ITGA8: variants seen among roughly 807,000 people sequenced by gnomAD.
ITGA8 encodes integrin alpha-8.
A neutral mutation model predicts 142.3 loss-of-function variants in ITGA8; 91 were observed. The observed-to-expected ratio is 0.64, with a 90% CI of 0.54 to 0.76. The LOEUF is 0.76. Among genes scored for constraint, ITGA8 ranks in the 30% least tolerant of loss-of-function variants. The probability of loss-of-function intolerance (pLI) is 0.00; values close to 1 mark genes in which losing one functional copy is unlikely to be tolerated. For synonymous variants in ITGA8, 505 were observed against 485.2 expected, an observed-to-expected ratio of 1.04 and a Z score of -0.54; for missense variants, 1,406 against 1,327.7, an observed-to-expected ratio of 1.06 and a Z score of -0.92.
At position 15,646,890 on chromosome 10, in the gene ITGA8, C is replaced by T; in HGVS notation, c.1163G>A (p.Ser388Asn). 1 of 1,614,050 alleles carries T rather than the reference C, an allele frequency of 6.2e-7. No homozygotes were observed. Among genetic ancestry groups the T allele is most frequent in the South Asian group, 1.1e-5 (1 of 91,064 alleles). ...TGTETFGRFG[S>N]AMAHLGDLNQ... Reference sequence around the variant, plus strand: ...CAGGTCTCCTAAGTGTGCCATAGCACTACCGAATCTCCCAAACGTCTCGGT... The same window carrying T: ...CAGGTCTCCTAAGTGTGCCATAGCATTACCGAATCTCCCAAACGTCTCGGT... The change falls in exon 12 of 30, where the codon AGT becomes AAT. Residue 388 changes from serine to asparagine, a missense_variant. Physicochemically the swap from Ser to Asn is conservative, Grantham distance 46. Coordinates refer to ENST00000378076, the MANE Select transcript of ITGA8 (RefSeq NM_003638.3).
In ITGA8 at chr10:15,655,211, T is replaced by C. The variant is rs1462832586; in HGVS notation, c.1001+143A>G. On this transcript the variant is annotated intron_variant, in intron 11 of 29. Coordinates refer to ENST00000378076, the MANE Select transcript of ITGA8 (RefSeq NM_003638.3). ...AGAATTATTTAATAGATGCATCTTCTTGTCTTGAACCAAAAAAGTTGAGAA... is the reference window on the plus strand; with the variant it reads ...AGAATTATTTAATAGATGCATCTTCCTGTCTTGAACCAAAAAAGTTGAGAA... 9.7e-6 allele frequency: 5 copies of C among 517,996 alleles called. No individual in the cohort carries two copies. The East Asian group carries it at 1.7e-4, about 17-fold the overall frequency. The allele number at this position is 517,996 out of a possible 1,614,324, so 32.1% of individuals were successfully genotyped here. A position where few individuals can be genotyped will look rare whatever the true frequency, so the allele number is the denominator to read the frequency against.
At chr10:15,651,583 T>A (rs1223993441) in intron 11 of ITGA8, among the ~76,000 whole-genome samples, 2 of 152,088 alleles carry the variant, frequency 1.3e-5, no homozygotes, top group Non-Finnish European at 2.9e-5. Flanking sequence ...GGGACCTTGT[T>A]TTTGTTGCCT....
intron 21 of ITGA8, among the ~76,000 whole-genome samples, chr10:15,596,263 A>G (rs1197655766): frequency 6.6e-6 from 1 of 152,146 alleles, no homozygotes; most frequent in Non-Finnish European, 1.5e-5. Context: ...GACGGGATAG[A>G]ACATGGGCTT....
intron 2 of ITGA8, among the ~76,000 whole-genome samples, chr10:15,699,463 A>G (rs1413821423): frequency 6.6e-6 from 1 of 152,232 alleles, no homozygotes; most frequent in East Asian, 1.9e-4. Context: ...AGAAAAACAG[A>G]TGATAGATAG....
chr10:15,705,424 C>T (rs988837683), intron 2 of ITGA8, among the ~76,000 whole-genome samples: 4 of 152,184 alleles, frequency 2.6e-5, no homozygotes, highest in African/African-American at 9.7e-5. Context: ...CCTGACTCTG[C>T]CTGCCCTCCT....
intron 2 of ITGA8, among the ~76,000 whole-genome samples, chr10:15,701,690 C>T (rs1835168090): frequency 6.6e-6 from 1 of 152,176 alleles, no homozygotes; most frequent in South Asian, 2.1e-4. Context: ...TTTTGGCAGA[C>T]AGGATAATTT....
At chr10:15,707,340 GGAA>G (rs1365270933) in intron 2 of ITGA8, among the ~76,000 whole-genome samples, 1 of 152,138 alleles carries the variant, frequency 6.6e-6, no homozygotes, top group Non-Finnish European at 1.5e-5. Context: ...ATAGGGCAGT[GGAA>G]GAAGATGTTG....
At chr10:15,655,284 T>C in intron 11 of ITGA8, 70 bp downstream of exon 11, 1 of 1,052,768 alleles carries the variant, frequency 9.5e-7, no homozygotes, top group Non-Finnish European at 1.4e-6. Flanking sequence ...GTGTATTTTG[T>C]GAAGGAAAAA....
chr10:15,639,343 C>T (rs955227526), intron 13 of ITGA8, among the ~76,000 whole-genome samples: 3 of 152,076 alleles, frequency 2.0e-5, no homozygotes, highest in Non-Finnish European at 2.9e-5. Context: ...GGAAGTGAGC[C>T]GCCAAGAATC....
In ITGA8 at chr10:15,715,036, A is replaced by G. The variant is rs553007462; in HGVS notation, c.343+3730T>C. On this transcript the variant is annotated intron_variant, in intron 2 of 29. Coordinates refer to ENST00000378076, the MANE Select transcript of ITGA8 (RefSeq NM_003638.3). The stretch of plus-strand genomic sequence containing the variant: ...TACATTTTTATGCCTGACACATCAC[A>G]CTCCATTATGCGGATGTCAATTTGG... 2.5e-4 allele frequency among the ~76,000 whole-genome samples: 38 copies of G among 152,210 alleles called. No individual in the cohort carries two copies. The South Asian group carries it at 7.7e-3, about 31-fold the overall frequency.
intron 22 of ITGA8, among the ~76,000 whole-genome samples, chr10:15,590,395 T>C (rs1017144920): frequency 2.6e-5 from 4 of 152,232 alleles, no homozygotes; most frequent in African/African-American, 7.2e-5. Context: ...AGTAATTGCA[T>C]CCATTCTCTT....
intron 27 of ITGA8, among the ~76,000 whole-genome samples, chr10:15,545,184 T>C: frequency 6.6e-6 from 1 of 152,236 alleles, no homozygotes; most frequent in African/African-American, 2.4e-5. Context: ...TGGTTTCCTC[T>C]CCTGAAACAG....
At chr10:15,546,095 A>G (rs1361165851) in intron 27 of ITGA8, among the ~76,000 whole-genome samples, 2 of 148,856 alleles carry the variant, frequency 1.3e-5, no homozygotes, top group Non-Finnish European at 2.9e-5. Context: ...TGCGTGACTC[A>G]GGTCTCAGTT....
intron 21 of ITGA8, among the ~76,000 whole-genome samples, chr10:15,594,140 G>C (rs754604336): frequency 1.3e-5 from 2 of 151,776 alleles, no homozygotes; most frequent in African/African-American, 4.8e-5. Flanking sequence ...GGGCCCGGCC[G>C]GATGAATTTT....
intron 13 of ITGA8, among the ~76,000 whole-genome samples, chr10:15,624,071 T>G (rs1833539389): frequency 6.6e-6 from 1 of 151,146 alleles, no homozygotes; most frequent in South Asian, 2.1e-4. Flanking sequence ...AGTTTATTCA[T>G]CCATCCCTGG....
chr10:15,563,109 A>G (rs1299911674), intron 25 of ITGA8, among the ~76,000 whole-genome samples: 1 of 118,244 alleles, frequency 8.5e-6, no homozygotes, highest in Non-Finnish European at 1.7e-5. Context: ...CCTGCTCCCC[A>G]CTCTGTCTTC....
chr10:15,608,043 C>A (rs1446157088), intron 16 of ITGA8, among the ~76,000 whole-genome samples, 192 bp downstream of exon 16: 3 of 152,110 alleles, frequency 2.0e-5, no homozygotes, highest in African/African-American at 7.2e-5. Flanking sequence ...ATTTTCCCTA[C>A]AATTATATGT....
intron 28 of ITGA8, among the ~76,000 whole-genome samples, chr10:15,525,426 T>C (rs1273179457): frequency 6.6e-6 from 1 of 151,968 alleles, no homozygotes; most frequent in Non-Finnish European, 1.5e-5. Flanking sequence ...GCGGATCACC[T>C]GAGGTCAGGA....
chr10:15,618,206 C>T (rs1042549819), intron 13 of ITGA8, among the ~76,000 whole-genome samples: 18 of 150,282 alleles, frequency 1.2e-4, no homozygotes, highest in African/African-American at 3.9e-4. Flanking sequence ...AACATACACA[C>T]GTATCCCCTG....
Sources: allele counts gnomAD v4.1 joint callset (sites outside exome capture counted in the v4.1 genomes callset), GRCh38; gene constraint gnomAD v4.1.1; transcripts MANE v1.5; gene names NCBI Gene and HGNC (gene_info 2026-07-23, HGNC 2026-07-21).